The following MTUS2 variants were observed in gnomAD, a reference collection of about 807,000 sequenced individuals.
MTUS2 encodes the protein microtubule associated scaffold protein 2, also known as microtubule-associated tumor suppressor candidate 2.
A neutral mutation model predicts 114.1 loss-of-function variants in MTUS2; 40 were observed. The ratio of observed to expected loss-of-function variants is 0.35; its 90% CI spans 0.27 to 0.46. The LOEUF is 0.46. MTUS2 is among the 20% of genes least tolerant of loss of function. MTUS2 has a pLI of 1.00. For synonymous variants in MTUS2, 688 were observed against 672.0 expected, an observed-to-expected ratio of 1.02 and a Z score of -0.37; for missense variants, 1,679 against 1,705.4, an observed-to-expected ratio of 0.98 and a Z score of 0.27.
chr13:29,308,781 A>C (rs1899604968), intron 6 of MTUS2, among the ~76,000 whole-genome samples: 1 of 152,210 alleles, frequency 6.6e-6, no homozygotes, highest in Non-Finnish European at 1.5e-5. Flanking sequence ...GTAGCCAACA[A>C]ACATATGAAA....
intron 4 of MTUS2, among the ~76,000 whole-genome samples, chr13:29,096,714 C>G (rs1184601716): frequency 6.6e-6 from 1 of 152,128 alleles, no homozygotes; most frequent in Admixed American, 6.5e-5. Context: ...TATGATTGGG[C>G]AAAATCTCTC....
At chr13:28,851,379 C>T (rs757626290) in intron 2 of MTUS2, among the ~76,000 whole-genome samples, 1 of 152,216 alleles carries the variant, frequency 6.6e-6, no homozygotes, top group Non-Finnish European at 1.5e-5. Context: ...GTTCCCAAAG[C>T]CATGGCATTG....
intron 4 of MTUS2, among the ~76,000 whole-genome samples, chr13:29,047,072 A>T (rs1887657834): frequency 6.6e-6 from 1 of 152,226 alleles, no homozygotes; most frequent in African/African-American, 2.4e-5. Context: ...CTCTGCGCAG[A>T]AGTAAAATTG....
chr13:29,234,711 G>A (rs1276885061), intron 5 of MTUS2, among the ~76,000 whole-genome samples: 1 of 63,672 alleles, frequency 1.6e-5, no homozygotes, highest in East Asian at 5.7e-4. Flanking sequence ...TTCCCACTAT[G>A]TAATAGTATA....
chr13:29,096,139 ATTTG>A (rs1299004212), intron 4 of MTUS2, among the ~76,000 whole-genome samples: 1 of 151,972 alleles, frequency 6.6e-6, no homozygotes, highest in Non-Finnish European at 1.5e-5. Flanking sequence ...TTGCTTATTT[ATTTG>A]TTTAACAACT....
At position 29,026,225 on chromosome 13, in the gene MTUS2, C is replaced by G; in HGVS notation, c.1527C>G (p.Asn509Lys). ...SKEVTTSVAE[N>K]RNLLENADKI... ...AGGTCACCACATCTGTTGCTGAAAACAGGAACCTTCTAGAGAATGCAGATA... is the reference window on the plus strand; with the variant it reads ...AGGTCACCACATCTGTTGCTGAAAAGAGGAACCTTCTAGAGAATGCAGATA... Residue 509 changes from asparagine to lysine, a missense_variant, in exon 3 of 16, where the codon AAC becomes AAG. By Grantham distance (94) the Asn-to-Lys change is moderately conservative. This residue lies in a region of MTUS2 where 843 missense variants were observed against 770.8 expected (regional missense o/e 1.09). Coordinates refer to ENST00000612955, the MANE Select transcript of MTUS2 (RefSeq NM_001033602.4). 1.2e-6 allele frequency: 2 copies of G among 1,613,982 alleles called. 1 individual carries two copies. The highest frequency in any genetic ancestry group is 2.2e-5 in the South Asian group (2 of 91,080).
In MTUS2 at chr13:29,038,907, C is replaced by G. The variant is rs907528472; in HGVS notation, c.2446+4782C>G. 5.9e-5 allele frequency among the ~76,000 whole-genome samples: 9 copies of G among 152,346 alleles called. No individual in the cohort carries two copies. The East Asian group carries it at 1.4e-3, about 23-fold the overall frequency. On this transcript the variant is annotated intron_variant, in intron 4 of 15. Coordinates refer to ENST00000612955, the MANE Select transcript of MTUS2 (RefSeq NM_001033602.4). Reference sequence around the variant, plus strand: ...TCCCTCACCAAGCTCGACCACCAGGCTGCGGGCGGGCCTGGGGTGCCGGGC... The same window carrying G: ...TCCCTCACCAAGCTCGACCACCAGGGTGCGGGCGGGCCTGGGGTGCCGGGC...
At chr13:29,158,866 T>C (rs1326567513) in intron 5 of MTUS2, among the ~76,000 whole-genome samples, 1 of 152,122 alleles carries the variant, frequency 6.6e-6, no homozygotes, top group African/African-American at 2.4e-5. Flanking sequence ...CAGGGTCTGG[T>C]CTTCGGAATG....
chr13:29,200,317 T>C (rs1894889259), intron 5 of MTUS2, among the ~76,000 whole-genome samples: 1 of 152,094 alleles, frequency 6.6e-6, no homozygotes, highest in South Asian at 2.1e-4. Context: ...TGCTTTCCTC[T>C]GTGGGCATTT....
chr13:29,246,452 G>C (rs560096383), intron 5 of MTUS2, among the ~76,000 whole-genome samples: 2 of 152,186 alleles, frequency 1.3e-5, no homozygotes, highest in African/African-American at 4.8e-5. Flanking sequence ...CCAGAGAGCC[G>C]GCTGAGCCAG....
chr13:29,202,289 A>G (rs1417001392), intron 5 of MTUS2, among the ~76,000 whole-genome samples: 1 of 151,686 alleles, frequency 6.6e-6, no homozygotes, highest in African/African-American at 2.4e-5. Context: ...TTCCTGCTTG[A>G]TCGATTTAGC....
intron 2 of MTUS2, among the ~76,000 whole-genome samples, chr13:28,928,993 A>G (rs928482565): frequency 8.5e-5 from 13 of 152,330 alleles, no homozygotes; most frequent in African/African-American, 2.9e-4. Context: ...AGTTACAGAA[A>G]CAAATCCTGT....
intron 2 of MTUS2, among the ~76,000 whole-genome samples, chr13:28,953,695 A>G (rs915298360): frequency 6.6e-6 from 1 of 152,186 alleles, no homozygotes; most frequent in Non-Finnish European, 1.5e-5. Flanking sequence ...CTCTCCATGC[A>G]TTCCTAGGTT....
At chr13:29,085,945 G>C (rs1889673943) in intron 4 of MTUS2, among the ~76,000 whole-genome samples, 1 of 152,080 alleles carries the variant, frequency 6.6e-6, no homozygotes, top group Non-Finnish European at 1.5e-5. Context: ...GCCAAAATCT[G>C]TTATTTACTG....
chr13:28,989,449 C>A (rs1593359917), intron 2 of MTUS2, among the ~76,000 whole-genome samples: 1 of 152,132 alleles, frequency 6.6e-6, no homozygotes, highest in African/African-American at 2.4e-5. Context: ...TAACAAAGTC[C>A]CTTGCCAGCT....
At chr13:28,963,393 C>A (rs1029129755) in intron 2 of MTUS2, among the ~76,000 whole-genome samples, 2 of 152,260 alleles carry the variant, frequency 1.3e-5, no homozygotes, top group East Asian at 3.9e-4. Flanking sequence ...AATAGAGTAT[C>A]TGCATATGTG....
intron 4 of MTUS2, among the ~76,000 whole-genome samples, chr13:29,077,846 C>T (rs1271845070): frequency 6.6e-6 from 1 of 152,140 alleles, no homozygotes; most frequent in Non-Finnish European, 1.5e-5. Flanking sequence ...AATAGTAAAA[C>T]TTAAAACGCT....
At chr13:29,155,858 T>C (rs1026683314) in intron 5 of MTUS2, among the ~76,000 whole-genome samples, 1 of 152,106 alleles carries the variant, frequency 6.6e-6, no homozygotes, top group Non-Finnish European at 1.5e-5. Context: ...CATTAACTTC[T>C]GCTTGTTCCT....
intron 8 of MTUS2, among the ~76,000 whole-genome samples, chr13:29,389,344 C>CATATGTGTGTATATATGTATACACGT (rs1467356782): frequency 2.0e-4 from 11 of 55,972 alleles, no homozygotes; most frequent in Admixed American, 3.3e-4. Context: ...TATGTATGCA[C>CATATGTGTGTATATATGTATACACGT]GTGTGTGTAT....
Sources: allele counts gnomAD v4.1 joint callset (sites outside exome capture counted in the v4.1 genomes callset), GRCh38; gene constraint gnomAD v4.1.1; regional missense constraint gnomAD v4.1.1; transcripts MANE v1.5; gene names NCBI Gene and HGNC (gene_info 2026-07-23, HGNC 2026-07-21).